The following MIB1 variants were observed in gnomAD, a reference collection of about 807,000 sequenced individuals.
The protein encoded by MIB1 is E3 ubiquitin-protein ligase MIB1.
A neutral mutation model predicts 124.5 loss-of-function variants in MIB1; 278 were observed. The observed-to-expected ratio is 2.23, with a 90% CI of 2.02 to 2.47. The LOEUF is 2.47. MIB1 is among the 30% of genes most tolerant of loss of function. The pLI, the probability that MIB1 is intolerant of heterozygous loss-of-function variation, is 0.00. For synonymous variants in MIB1, 446 were observed against 429.4 expected (o/e 1.04, Z -0.48); for missense variants, 957 against 1,254.4 (o/e 0.76, Z 3.58).
intron 17 of MIB1, 128 bp from the exon 18 acceptor site, chr18:21,853,012 G>C (rs544976232): frequency 4.7e-6 from 3 of 634,240 alleles, no homozygotes; most frequent in Non-Finnish European, 8.4e-6. Flanking sequence ...GGAGGAAAGT[G>C]TGTGTTAAAT....
chr18:21,849,406 T>G lies in MIB1; in HGVS notation c.2586+18T>G, dbSNP rs774176163. 6 of 1,439,398 alleles carry G rather than the reference T, an allele frequency of 4.2e-6. No individual in the cohort carries two copies. In the African/African-American group the frequency reaches 8.6e-5, roughly 21 times the overall value. The allele number at this position is 1,439,398 out of a possible 1,614,324, so 89.2% of individuals were successfully genotyped here. On this transcript the variant is annotated intron_variant, in intron 17 of 20. Transcript: ENST00000261537. Reference sequence around the variant, plus strand: ...GGACAAAGGTAAGATATATTTAATATAGTATTTTGTCATTTTATGAAGTTG... The same window carrying G: ...GGACAAAGGTAAGATATATTTAATAGAGTATTTTGTCATTTTATGAAGTTG...
chr18:21,816,854 G>GT (rs1184073196), intron 11 of MIB1, among the ~76,000 whole-genome samples: 2 of 152,122 alleles, frequency 1.3e-5, no homozygotes, highest in Non-Finnish European at 1.5e-5. Context: ...GTATGTCCTT[G>GT]TAAGTGGGAG....
chr18:21,838,340 GAAATAATGTGAATTT>G lies in MIB1; in HGVS notation c.1830-22_1830-8del, dbSNP rs1313150803. Reference sequence around the variant, plus strand: ...GAGTATATCAAATTATGCAAATATAGAAATAATGTGAATTTAACTTTCAGTGCAATGCGTGTTTTA... The same window carrying G: ...GAGTATATCAAATTATGCAAATATAGAACTTTCAGTGCAATGCGTGTTTTA... On this transcript the variant is annotated splice_polypyrimidine_tract_variant and intron_variant, in intron 12 of 20. Transcript: ENST00000261537. The G allele has an allele frequency of 6.6e-7, 1 of 1,519,242 alleles. No homozygotes were observed. The highest frequency in any genetic ancestry group is 1.3e-5 in the South Asian group (1 of 77,770). The allele number at this position is 1,519,242 out of a possible 1,614,324, so 94.1% of individuals were successfully genotyped here. A position where few individuals can be genotyped will look rare whatever the true frequency, so the allele number is the denominator to read the frequency against.
chr18:21,751,339 C>G (rs1015592924), intron 1 of MIB1, among the ~76,000 whole-genome samples: 5 of 152,060 alleles, frequency 3.3e-5, no homozygotes, highest in African/African-American at 1.2e-4. Flanking sequence ...TGCAGTGGCA[C>G]GATCTTGGCT....
At chr18:21,715,042 G>C (rs1049832671) in intron 1 of MIB1, among the ~76,000 whole-genome samples, 1 of 152,128 alleles carries the variant, frequency 6.6e-6, no homozygotes, top group East Asian at 1.9e-4. Context: ...TTTTGCTCTA[G>C]ACCTACTCCA....
intron 10 of MIB1, chr18:21,812,590 G>A (rs2041786630): frequency 6.6e-6 from 1 of 152,166 alleles, no homozygotes; most frequent in African/African-American, 2.4e-5. Flanking sequence ...GTCACAGAGA[G>A]GAAGCAGTTG....
intron 20 of MIB1, among the ~76,000 whole-genome samples, chr18:21,861,924 C>T (rs12958647): frequency 9.2e-4 from 139 of 151,082 alleles, no homozygotes; most frequent in Non-Finnish European, 1.5e-3. Flanking sequence ...TTTTTTGAGA[C>T]AGGATCTTAC....
At chr18:21,817,796 T>C in intron 11 of MIB1, 1 of 309,914 alleles carries the variant, frequency 3.2e-6, no homozygotes, top group Non-Finnish European at 6.5e-6. Flanking sequence ...CTGTGGACAG[T>C]GACTGGGGAG....
chr18:21,838,536 T>G (rs765592335), intron 13 of MIB1, 39 bp downstream of exon 13: 4 of 1,523,386 alleles, frequency 2.6e-6, no homozygotes, highest in Non-Finnish European at 3.5e-6. Flanking sequence ...TTTTTATTTT[T>G]TTTTAAACAA....
In MIB1 at chr18:21,796,628, C is replaced by T. The variant is rs1237158400; in HGVS notation, c.1093-1456C>T. On this transcript the variant is annotated intron_variant, in intron 7 of 20. Coordinates refer to ENST00000261537, the MANE Select transcript of MIB1 (RefSeq NM_020774.4). ...TTTCCTAGCTGTATTCATGAAAATGCCTCCACTGTGACCATTTTAGTAATA... is the reference window on the plus strand; with the variant it reads ...TTTCCTAGCTGTATTCATGAAAATGTCTCCACTGTGACCATTTTAGTAATA... 2.6e-5 allele frequency among the ~76,000 whole-genome samples: 4 copies of T among 152,192 alleles called. No individual in the cohort carries two copies. The East Asian group carries it at 7.7e-4, about 29-fold the overall frequency.
chr18:21,866,757 A>C lies in MIB1; in HGVS notation c.*2091A>C, dbSNP rs1237281551. 1 of 152,202 alleles carries C rather than the reference A, an allele frequency of 6.6e-6. No homozygotes were observed. Among genetic ancestry groups the C allele is most frequent in the Non-Finnish European group, 1.5e-5 (1 of 68,034 alleles). The allele number at this position is 152,202 out of a possible 1,614,324, so 9.4% of individuals were successfully genotyped here. On this transcript the variant is annotated 3_prime_UTR_variant, in exon 21 of 21. Coordinates refer to ENST00000261537, the MANE Select transcript of MIB1 (RefSeq NM_020774.4). ...ATTTCCTTTATAAGAATATGACATA[A>C]ATTTTTATTATAGAAATAATGTCAT... is the stretch of plus-strand genomic sequence containing the variant.
At chr18:21,781,779 T>C (rs1291957547) in intron 6 of MIB1, among the ~76,000 whole-genome samples, 5 of 152,104 alleles carry the variant, frequency 3.3e-5, no homozygotes, top group African/African-American at 1.2e-4. Context: ...ATCTATTTCT[T>C]CTAGATTTTT....
At position 21,759,521 on chromosome 18, in the gene MIB1, G is replaced by A. The variant is rs372695165; in HGVS notation, c.230-6251G>A. Among the ~76,000 whole-genome samples the A allele has an allele frequency of 3.9e-5, 6 of 152,096 alleles. No homozygotes were observed. In the South Asian group the frequency reaches 6.2e-4, roughly 16 times the overall value. On this transcript the variant is annotated intron_variant, in intron 1 of 20. Transcript: ENST00000261537. ...CTCCTAAAGTGCTGGGATTACACTT[G>A]TGAGCCACCGTGCCTGGCCTTTGTA...
intron 1 of MIB1, among the ~76,000 whole-genome samples, chr18:21,759,566 C>G (rs2041075101): frequency 6.6e-6 from 1 of 152,098 alleles, no homozygotes; most frequent in Non-Finnish European, 1.5e-5. Flanking sequence ...TAAAAAAATT[C>G]AGCATTATGG....
At chr18:21,848,119 C>T (rs1371988733) in intron 16 of MIB1, among the ~76,000 whole-genome samples, 1 of 152,130 alleles carries the variant, frequency 6.6e-6, no homozygotes, top group Non-Finnish European at 1.5e-5. Context: ...GAGGTATATA[C>T]ATTTCTTTAA....
chr18:21,798,561 T>G (rs766091834), intron 8 of MIB1, among the ~76,000 whole-genome samples: 3 of 152,170 alleles, frequency 2.0e-5, no homozygotes, highest in Non-Finnish European at 4.4e-5. Context: ...TTTTGTTTTC[T>G]GCCAAAGAAC....
intron 10 of MIB1, 100 bp from the exon 11 acceptor site, chr18:21,815,516 C>G: frequency 9.3e-7 from 1 of 1,072,034 alleles, no homozygotes; most frequent in Admixed American, 2.6e-5. Flanking sequence ...CCTACATTGC[C>G]TTTTCTCAAA....
At chr18:21,734,454 T>C (rs2040786125) in intron 1 of MIB1, among the ~76,000 whole-genome samples, 1 of 141,918 alleles carries the variant, frequency 7.0e-6, no homozygotes, top group Admixed American at 7.5e-5. Context: ...TAGGGACTCT[T>C]TTCTTTTCTT....
intron 1 of MIB1, among the ~76,000 whole-genome samples, chr18:21,712,422 G>A (rs1021057843): frequency 6.6e-6 from 1 of 152,126 alleles, no homozygotes; most frequent in Non-Finnish European, 1.5e-5. Context: ...CAACACTCCT[G>A]TGATTATACT....
Sources: allele counts gnomAD v4.1 joint callset (sites outside exome capture counted in the v4.1 genomes callset), GRCh38; gene constraint gnomAD v4.1.1; transcripts MANE v1.5; gene names NCBI Gene and HGNC (gene_info 2026-07-23, HGNC 2026-07-21).